The following TMEM116 variants were observed in gnomAD, a reference collection of about 807,000 sequenced individuals.
TMEM116 encodes transmembrane protein 116.
Under a neutral mutation model 44.3 loss-of-function variants are expected in TMEM116, and 38 were observed. The ratio of observed to expected loss-of-function variants is 0.86; its 90% confidence interval spans 0.66 to 1.12. TMEM116 has a LOEUF of 1.12. Among genes scored for constraint, TMEM116 ranks in the 50% most tolerant of loss-of-function variants. The pLI is 0.00. For missense variants in TMEM116, 354 were observed against 401.7 expected, an observed-to-expected ratio of 0.88 and a Z score of 1.01; for synonymous variants, 132 against 144.8, an observed-to-expected ratio of 0.91 and a Z score of 0.64.
intron 4 of TMEM116, among the ~76,000 whole-genome samples, chr12:111,953,004 T>C (rs960746675): frequency 1.4e-4 from 21 of 152,166 alleles, no homozygotes; most frequent in African/African-American, 5.1e-4. Flanking sequence ...TTATGTGAAA[T>C]GAGATTATCA....
At chr12:112,012,036 T>A (rs2077863638) in intron 1 of TMEM116, 1 of 152,272 alleles carries the variant, frequency 6.6e-6, no homozygotes, top group Non-Finnish European at 1.5e-5. Context: ...TCAGTAATAA[T>A]CAATCAAAAT....
Position 112,005,637 on chromosome 12 carries a change from C to T in TMEM116, c.-33-334G>A, listed in dbSNP as rs139737240. 1.9e-4 allele frequency: 180 copies of T among 938,918 alleles called. No individual in the cohort carries two copies. The African/African-American group carries it at 2.7e-3, about 14-fold the overall frequency. 58.2% of individuals were successfully genotyped at this position (938,918 alleles called of 1,614,324 possible). A position where few individuals can be genotyped will look rare whatever the true frequency, so the allele number is the denominator to read the frequency against. ...GACACTTTGAGAGGCTGAGGTAAGA[C>T]GATCACTTGAGGCCAGGAGTTTAAG... On this transcript the variant is annotated intron_variant, in intron 1 of 10. Transcript: ENST00000552374.
At chr12:111,998,200 G>A (rs1318290379) in intron 3 of TMEM116, among the ~76,000 whole-genome samples, 13 of 152,108 alleles carry the variant, frequency 8.5e-5, no homozygotes, top group African/African-American at 2.2e-4. Flanking sequence ...TTTGGGAGTC[G>A]GCAAACTCTG....
At chr12:112,001,059 G>A (rs1185681283) in intron 3 of TMEM116, 1 of 185,150 alleles carries the variant, frequency 5.4e-6, no homozygotes, top group Non-Finnish European at 1.1e-5. Flanking sequence ...ACCACGGCTG[G>A]TGCTTTCCTC....
chr12:111,989,476 A>T (rs1451124517), intron 4 of TMEM116, among the ~76,000 whole-genome samples: 1 of 152,238 alleles, frequency 6.6e-6, no homozygotes, highest in Non-Finnish European at 1.5e-5. Flanking sequence ...CAAGGCTTAT[A>T]GAACTAAATT....
chr12:111,932,074 G>GCC (rs59836372), intron 10 of TMEM116, among the ~76,000 whole-genome samples: 6 of 151,934 alleles, frequency 3.9e-5, no homozygotes, highest in African/African-American at 7.2e-5. Flanking sequence ...TAGCTTCAGT[G>GCC]CCCCCCCTTA....
intron 4 of TMEM116, among the ~76,000 whole-genome samples, chr12:111,971,728 C>T (rs1278139225): frequency 1.3e-5 from 2 of 151,950 alleles, no homozygotes; most frequent in African/African-American, 4.8e-5. Flanking sequence ...TAAGACCTAA[C>T]TAAATATTTA....
At chr12:111,963,633 AGG>A (rs1408112649) in intron 4 of TMEM116, among the ~76,000 whole-genome samples, 1 of 152,194 alleles carries the variant, frequency 6.6e-6, no homozygotes, top group East Asian at 1.9e-4. Flanking sequence ...ACATGGACAC[AGG>A]GAGGGGAACA....
intron 4 of TMEM116, among the ~76,000 whole-genome samples, chr12:111,976,040 A>G (rs2075650027): frequency 6.6e-6 from 1 of 151,976 alleles, no homozygotes; most frequent in Non-Finnish European, 1.5e-5. Flanking sequence ...TTGCTCTGTC[A>G]CCTAGGCTGG....
chr12:111,948,618 C>G (rs185110621), intron 4 of TMEM116, among the ~76,000 whole-genome samples: 25 of 152,146 alleles, frequency 1.6e-4, no homozygotes, highest in African/African-American at 6.0e-4. Context: ...ATAATCAAAG[C>G]ACCAAAACAA....
intron 3 of TMEM116, chr12:112,000,725 C>T: frequency 1.9e-6 from 1 of 533,296 alleles, no homozygotes; most frequent in Non-Finnish European, 3.8e-6. Flanking sequence ...TCTCCATTTC[C>T]TCTCCTGATA....
chr12:111,987,198 C>A (rs534033932), intron 4 of TMEM116, among the ~76,000 whole-genome samples: 1 of 151,886 alleles, frequency 6.6e-6, no homozygotes, highest in South Asian at 2.1e-4. Flanking sequence ...AAAAAGCAAG[C>A]AATCTGATTA....
intron 4 of TMEM116, among the ~76,000 whole-genome samples, chr12:111,990,959 A>C (rs2076528363): frequency 6.6e-6 from 1 of 152,076 alleles, no homozygotes; most frequent in Non-Finnish European, 1.5e-5. Context: ...GGTGGCTCAC[A>C]CCTGTAATCC....
chr12:111,946,573 C>A (rs1394752118), intron 4 of TMEM116, among the ~76,000 whole-genome samples: 1 of 152,158 alleles, frequency 6.6e-6, no homozygotes, highest in Non-Finnish European at 1.5e-5. Context: ...GCCAGGTGTT[C>A]CTTGCCCTCA....
Position 111,956,229 on chromosome 12 carries a change from C to T in TMEM116, c.211-12860G>A, listed in dbSNP as rs1177193146. Among the ~76,000 whole-genome samples the T allele has an allele frequency of 3.9e-5, 6 of 152,278 alleles. No individual in the cohort carries two copies. The South Asian group carries it at 1.2e-3, about 32-fold the overall frequency. On this transcript the variant is annotated intron_variant, in intron 4 of 10. Transcript: ENST00000552374. Reference sequence around the variant, plus strand: ...TGTGAATCAAACAGGAACTCAATAACTGCAGCCACATAATAAGGTTATAAT... The same window carrying T: ...TGTGAATCAAACAGGAACTCAATAATTGCAGCCACATAATAAGGTTATAAT...
chr12:111,974,403 G>A (rs921542769), intron 4 of TMEM116, among the ~76,000 whole-genome samples: 1 of 152,108 alleles, frequency 6.6e-6, no homozygotes, highest in African/African-American at 2.4e-5. Context: ...AACACTTTGG[G>A]AGGCCGGGGT....
At chr12:111,963,166 T>C (rs572253347) in intron 4 of TMEM116, among the ~76,000 whole-genome samples, 1 of 152,298 alleles carries the variant, frequency 6.6e-6, no homozygotes, top group South Asian at 2.1e-4. Context: ...AAACAACAGA[T>C]ACTGGAGAGG....
At position 111,940,438 on chromosome 12, in the gene TMEM116, T is replaced by A. The variant is rs993218870; in HGVS notation, c.316-2228A>T. 3.4e-5 allele frequency among the ~76,000 whole-genome samples: 5 copies of A among 146,666 alleles called. No individual in the cohort carries two copies. The South Asian group carries it at 1.1e-3, about 32-fold the overall frequency. ...AGTGCAGTGGTATGATCACAGCTCA[T>A]TGTGGCCTCAATCTCCTGCCCCCCA... On this transcript the variant is annotated intron_variant, in intron 5 of 10. Coordinates refer to ENST00000552374, the MANE Select transcript of TMEM116 (RefSeq NM_001193531.2).
At chr12:111,950,114 T>C (rs1485456709) in intron 4 of TMEM116, among the ~76,000 whole-genome samples, 1 of 147,792 alleles carries the variant, frequency 6.8e-6, no homozygotes, top group Non-Finnish European at 1.5e-5. Context: ...AGACTCCCTC[T>C]CAAAAACAAA....
Sources: allele counts gnomAD v4.1 joint callset (sites outside exome capture counted in the v4.1 genomes callset), GRCh38; gene constraint gnomAD v4.1.1; transcripts MANE v1.5; gene names NCBI Gene and HGNC (gene_info 2026-07-23, HGNC 2026-07-21).